The following URM1 variants were observed in gnomAD, a reference collection of about 807,000 sequenced individuals.
URM1 encodes ubiquitin related modifier 1, also known as ubiquitin-related modifier 1.
A neutral mutation model predicts 17.7 loss-of-function variants in URM1; 11 were observed. The ratio of observed to expected loss-of-function variants is 0.62; its 90% CI spans 0.39 to 1.03. The LOEUF is 1.03. URM1 is among the 50% of genes least tolerant of loss of function. The pLI is 0.00. For synonymous variants in URM1, 48 were observed against 50.6 expected, an observed-to-expected ratio of 0.95 and a Z score of 0.22; for missense variants, 128 against 129.2, an observed-to-expected ratio of 0.99 and a Z score of 0.04.
At chr9:128,385,071 G>A (rs1474580158) in intron 2 of URM1, among the ~76,000 whole-genome samples, 2 of 152,192 alleles carry the variant, frequency 1.3e-5, no homozygotes, top group African/African-American at 4.8e-5. Flanking sequence ...ATACCGCTGA[G>A]GTTCACTGGG....
rs751776530 is a variant in URM1, at chr9:128,371,431, G to A, written c.35+16G>A. 1.2e-6 allele frequency: 2 copies of A among 1,610,882 alleles called. No homozygotes were observed. Among genetic ancestry groups the A allele is most frequent in the Non-Finnish European group, 1.7e-6 (2 of 1,178,044 alleles). On this transcript the variant is annotated intron_variant, in intron 1 of 4. Transcript: ENST00000372853. ...TGGAGTTCGGGTGAGTCACAGAGCT[G>A]GGGCGCCGTGGGGATGGATTGAAGT...
chr9:128,389,057 A>C (rs1169124004), intron 3 of URM1: 4 of 1,351,924 alleles, frequency 3.0e-6, no homozygotes, highest in African/African-American at 1.5e-5. Flanking sequence ...CCCATTTTCC[A>C]TCTGGCTACA....
chr9:128,372,078 G>T (rs1383737225), intron 1 of URM1, among the ~76,000 whole-genome samples: 3 of 152,162 alleles, frequency 2.0e-5, no homozygotes, highest in African/African-American at 7.2e-5. Context: ...ACACACACCA[G>T]TTACTGAAGA....
chr9:128,382,624 C>T (rs928708656), intron 2 of URM1, among the ~76,000 whole-genome samples: 5 of 152,154 alleles, frequency 3.3e-5, no homozygotes, highest in Admixed American at 6.5e-5. Context: ...GCCTGGCACG[C>T]GCAGTTGCAC....
intron 3 of URM1, chr9:128,388,213 A>G: frequency 8.5e-7 from 1 of 1,177,474 alleles, no homozygotes; most frequent in Non-Finnish European, 1.1e-6. Context: ...CTCTACACAG[A>G]AAGTGCTGAG....
chr9:128,383,734 C>T (rs957898303), intron 2 of URM1, among the ~76,000 whole-genome samples: 2 of 152,236 alleles, frequency 1.3e-5, no homozygotes, highest in South Asian at 4.1e-4. Context: ...GTTACGCCTG[C>T]GAGTCAATAT....
chr9:128,386,124 C>A (rs1479260613), intron 2 of URM1, among the ~76,000 whole-genome samples: 1 of 152,240 alleles, frequency 6.6e-6, no homozygotes, highest in Non-Finnish European at 1.5e-5. Flanking sequence ...TGGTTCCATG[C>A]AGGCCAGGCA....
chr9:128,386,839 A>T (rs1833234637), intron 2 of URM1, among the ~76,000 whole-genome samples: 1 of 152,140 alleles, frequency 6.6e-6, no homozygotes, highest in African/African-American at 2.4e-5. Context: ...GGGGTGCTTA[A>T]CCCCAACCTG....
intron 1 of URM1, 189 bp from the exon 2 acceptor site, chr9:128,377,846 TA>T (rs1466944277): frequency 1.6e-6 from 1 of 628,374 alleles, no homozygotes; most frequent in Non-Finnish European, 2.8e-6. Flanking sequence ...GGCGACAGAG[TA>T]AGAACCTGTC....
chr9:128,375,760 A>G (rs1469482383), intron 1 of URM1, among the ~76,000 whole-genome samples: 2 of 151,780 alleles, frequency 1.3e-5, no homozygotes, highest in South Asian at 2.1e-4. Context: ...AGGTGTTGCC[A>G]TGTTGCCCAG....
chr9:128,377,947 C>A, intron 1 of URM1, 89 bp from the exon 2 acceptor site: 2 of 1,399,112 alleles, frequency 1.4e-6, no homozygotes, highest in Non-Finnish European at 2.0e-6. Context: ...CCTTCATTAC[C>A]AGCCCTATCC....
At chr9:128,380,808 GTA>G (rs895400585) in intron 2 of URM1, among the ~76,000 whole-genome samples, 2 of 150,968 alleles carry the variant, frequency 1.3e-5, no homozygotes, top group African/African-American at 4.9e-5. Context: ...GCTAATTTGT[GTA>G]TGTTTTTTTT....
At chr9:128,373,116 C>G (rs569865466) in intron 1 of URM1, among the ~76,000 whole-genome samples, 1 of 152,280 alleles carries the variant, frequency 6.6e-6, no homozygotes, top group South Asian at 2.1e-4. Flanking sequence ...TCTCTAACTT[C>G]AGTCTCCCTT....
At chr9:128,371,735 C>A (rs1001895090) in intron 1 of URM1, among the ~76,000 whole-genome samples, 5 of 152,222 alleles carry the variant, frequency 3.3e-5, no homozygotes, top group Non-Finnish European at 7.3e-5. Context: ...TCGGACCAAT[C>A]CCATCTGTTT....
chr9:128,381,997 A>G (rs1481376881), intron 2 of URM1, among the ~76,000 whole-genome samples: 4 of 152,228 alleles, frequency 2.6e-5, no homozygotes, highest in Non-Finnish European at 5.9e-5. Context: ...TAAAAGAGAA[A>G]GAGAAGGAGG....
At position 128,389,010 on chromosome 9, in the gene URM1, C is replaced by T. The variant is rs996582000; in HGVS notation, c.189-251C>T. On this transcript the variant is annotated intron_variant, in intron 3 of 4. Coordinates refer to ENST00000372853, the MANE Select transcript of URM1 (RefSeq NM_030914.4). ...TGATACTCAGAAACAAAATGACCTG[C>T]CCATGGTCTGGGTGGTGGTGCTGGC... 1.3e-5 allele frequency: 17 copies of T among 1,314,848 alleles called. No individual in the cohort carries two copies. The East Asian group carries it at 3.7e-4, about 29-fold the overall frequency. 81.4% of individuals were successfully genotyped at this position (1,314,848 alleles called of 1,614,324 possible). A position where few individuals can be genotyped will look rare whatever the true frequency, so the allele number is the denominator to read the frequency against.
intron 3 of URM1, 92 bp from the exon 4 acceptor site, chr9:128,389,169 T>G: frequency 6.6e-7 from 1 of 1,509,582 alleles, no homozygotes; most frequent in Non-Finnish European, 8.8e-7. Context: ...CTCAGCACAC[T>G]CTCCTGCAGC....
intron 2 of URM1, among the ~76,000 whole-genome samples, chr9:128,379,441 T>G (rs1833128002): frequency 6.6e-6 from 1 of 151,940 alleles, no homozygotes; most frequent in Non-Finnish European, 1.5e-5. Context: ...ATCGCACCAT[T>G]GCACTCCAGC....
intron 3 of URM1, chr9:128,388,599 T>C: frequency 1.0e-6 from 1 of 986,168 alleles, no homozygotes; most frequent in African/African-American, 1.7e-5. Flanking sequence ...CTTCAGGTCA[T>C]GGTCCAGTGG....
Sources: allele counts gnomAD v4.1 joint callset (sites outside exome capture counted in the v4.1 genomes callset), GRCh38; gene constraint gnomAD v4.1.1; transcripts MANE v1.5; gene names NCBI Gene and HGNC (gene_info 2026-07-23, HGNC 2026-07-21).